ADCY8: variants seen among roughly 807,000 people sequenced by gnomAD.
ADCY8 encodes adenylate cyclase type 8.
A neutral mutation model predicts 119.7 loss-of-function variants in ADCY8; 51 were observed. The observed-to-expected ratio is 0.43, with a 90% CI of 0.34 to 0.54. The LOEUF is 0.54. ADCY8 is among the 20% of genes least tolerant of loss of function. ADCY8 has a pLI of 0.03. For synonymous variants in ADCY8, 665 were observed against 651.0 expected, an observed-to-expected ratio of 1.02 and a Z score of -0.33; for missense variants, 1,383 against 1,598.8, an observed-to-expected ratio of 0.87 and a Z score of 2.30.
intron 2 of ADCY8, among the ~76,000 whole-genome samples, chr8:130,971,788 T>C (rs1435897268): frequency 6.6e-6 from 1 of 152,150 alleles, no homozygotes; most frequent in African/African-American, 2.4e-5. Context: ...AGAAATTGTA[T>C]GAGTGAAGCA....
At chr8:130,946,812 T>C (rs768142977) in intron 3 of ADCY8, among the ~76,000 whole-genome samples, 67 of 152,306 alleles carry the variant, frequency 4.4e-4, no homozygotes, top group Admixed American at 1.4e-3. Context: ...GTTAGAAATG[T>C]AGACTCTCAA....
intron 2 of ADCY8, among the ~76,000 whole-genome samples, chr8:130,975,056 C>T (rs946441858): frequency 3.3e-5 from 5 of 152,206 alleles, no homozygotes; most frequent in Admixed American, 6.5e-5. Flanking sequence ...AGAGAAGCTT[C>T]GATCTATCAA....
At chr8:130,832,823 T>G (rs1816878675) in intron 12 of ADCY8, among the ~76,000 whole-genome samples, 1 of 152,228 alleles carries the variant, frequency 6.6e-6, no homozygotes, top group Non-Finnish European at 1.5e-5. Flanking sequence ...ATATATTGAG[T>G]ACCTGCTATG....
In ADCY8 at chr8:130,843,674, A is replaced by G. The variant is rs113835620; in HGVS notation, c.2502+3750T>C. Among the ~76,000 whole-genome samples, 653 of 152,262 alleles carry G rather than the reference A, an allele frequency of 4.3e-3. 6 individuals are homozygous for G. The highest frequency in any genetic ancestry group is 0.014 in the African/African-American group (598 of 41,556). ...TGGAAAGGTAAATCTTGTTCCTGTT[A>G]GTCTATTGGAAGAATGCTTCCTTTC... On this transcript the variant is annotated intron_variant, in intron 11 of 17. Transcript: ENST00000286355.
chr8:130,829,937 C>A (rs978206127), intron 12 of ADCY8, among the ~76,000 whole-genome samples: 1 of 152,166 alleles, frequency 6.6e-6, no homozygotes, highest in African/African-American at 2.4e-5. Context: ...CATGCATGAA[C>A]ATGCCTTTCT....
At chr8:130,949,877 G>A (rs1461665559) in intron 3 of ADCY8, among the ~76,000 whole-genome samples, 7 of 152,086 alleles carry the variant, frequency 4.6e-5, no homozygotes, top group East Asian at 1.9e-4. Context: ...GATCTGGGGC[G>A]CATCTCTTCC....
At chr8:131,005,277 A>G (rs1823078800) in intron 1 of ADCY8, among the ~76,000 whole-genome samples, 2 of 152,226 alleles carry the variant, frequency 1.3e-5, no homozygotes, top group Non-Finnish European at 2.9e-5. Flanking sequence ...CAAAATACTT[A>G]GTATTTGCCT....
At chr8:130,997,900 C>A (rs1822829135) in intron 1 of ADCY8, among the ~76,000 whole-genome samples, 1 of 152,052 alleles carries the variant, frequency 6.6e-6, no homozygotes, top group African/African-American at 2.4e-5. Context: ...CACCTCTGAC[C>A]CAGAGTTGAT....
rs542502171 is a variant in ADCY8 at position 130,814,235 on chromosome 8, A to G, written c.2755-8T>C. 6 of 1,613,622 alleles carry G rather than the reference A, an allele frequency of 3.7e-6. No homozygotes were observed. In the South Asian group the frequency reaches 6.6e-5, roughly 18 times the overall value. On this transcript the variant is annotated splice_region_variant and splice_polypyrimidine_tract_variant and intron_variant, in intron 13 of 17. Coordinates refer to ENST00000286355, the MANE Select transcript of ADCY8 (RefSeq NM_001115.3). ...GCGGGCTGTGTACTCCAGCTGCAGT[A>G]CATGTGAGAGAAAGAGGAGAATGAG...
At position 131,039,774 on chromosome 8, in the gene ADCY8, A is replaced by T; in HGVS notation, c.560T>A (p.Val187Glu). The change falls in exon 1 of 18, where the codon GTG becomes GAG. Residue 187 changes from valine (V) to glutamate (E), a missense_variant. By Grantham distance (121) the Val-to-Glu change is moderately radical (BLOSUM62 -2). This residue lies in a region of ADCY8 where 455 missense variants were observed against 435.3 expected (regional missense o/e 1.05). Transcript: ENST00000286355. ...QRRKSEVVMNVLDVLTKLTLL... is the reference protein window; with the variant it reads ...QRRKSEVVMNELDVLTKLTLL... ...AGTGAGTTTGGTCAGCACGTCCAGCACGTTCATCACCACTTCCGATTTGCG... is the reference window on the plus strand; with the variant it reads ...AGTGAGTTTGGTCAGCACGTCCAGCTCGTTCATCACCACTTCCGATTTGCG... The T allele has an allele frequency of 6.2e-7, 1 of 1,614,178 alleles. No individual in the cohort carries two copies. Among genetic ancestry groups the T allele is most frequent in the South Asian group, 1.1e-5 (1 of 91,086 alleles).
chr8:131,011,915 T>G (rs1159896358), intron 1 of ADCY8, among the ~76,000 whole-genome samples: 1 of 152,074 alleles, frequency 6.6e-6, no homozygotes, highest in Non-Finnish European at 1.5e-5. Flanking sequence ...CAGGACATAG[T>G]GGACACACTA....
chr8:130,965,829 T>C (rs1373826924), intron 2 of ADCY8, among the ~76,000 whole-genome samples: 1 of 152,230 alleles, frequency 6.6e-6, no homozygotes, highest in Non-Finnish European at 1.5e-5. Context: ...TTCTTCATTT[T>C]AGTTTGCTTT....
intron 2 of ADCY8, among the ~76,000 whole-genome samples, chr8:130,981,793 C>T (rs1190676885): frequency 6.6e-6 from 1 of 152,202 alleles, no homozygotes; most frequent in Non-Finnish European, 1.5e-5. Flanking sequence ...ATACCTTCTA[C>T]TTTGAAACTT....
chr8:130,964,591 T>G (rs917627292), intron 2 of ADCY8, among the ~76,000 whole-genome samples: 1 of 152,180 alleles, frequency 6.6e-6, no homozygotes, highest in Non-Finnish European at 1.5e-5. Context: ...GCTGTAAACA[T>G]CTGTGAAAAA....
At chr8:130,867,070 C>T (rs1169691566) in intron 9 of ADCY8, among the ~76,000 whole-genome samples, 2 of 152,026 alleles carry the variant, frequency 1.3e-5, no homozygotes, top group Non-Finnish European at 2.9e-5. Flanking sequence ...GGGGAAAACT[C>T]ATAGTAAGTA....
rs1042109848 is a variant in ADCY8, at chr8:130,998,024, C to A, written c.961-7482G>T. Among the ~76,000 whole-genome samples the A allele has an allele frequency of 2.6e-5, 4 of 152,060 alleles. No individual in the cohort carries two copies. The East Asian group carries it at 7.7e-4, about 29-fold the overall frequency. ...AACCCCTCACTTCTATTAATTAATCCATTTGAAATTATTTATGGAACGAGT... is the reference window on the plus strand; with the variant it reads ...AACCCCTCACTTCTATTAATTAATCAATTTGAAATTATTTATGGAACGAGT... On this transcript the variant is annotated intron_variant, in intron 1 of 17. Coordinates refer to ENST00000286355, the MANE Select transcript of ADCY8 (RefSeq NM_001115.3).
At chr8:130,978,311 A>AT (rs1822135549) in intron 2 of ADCY8, among the ~76,000 whole-genome samples, 1 of 152,180 alleles carries the variant, frequency 6.6e-6, no homozygotes, top group South Asian at 2.1e-4. Flanking sequence ...CTAAATTGCA[A>AT]ATTCAGTTGG....
chr8:130,937,019 C>G (rs1820807089), intron 5 of ADCY8, 54 bp downstream of exon 5: 1 of 1,557,700 alleles, frequency 6.4e-7, no homozygotes, highest in African/African-American at 1.4e-5. Flanking sequence ...GGTGAAGTGG[C>G]CTGTGATCGT....
chr8:130,996,646 G>A (rs1372200295), intron 1 of ADCY8, among the ~76,000 whole-genome samples: 2 of 152,000 alleles, frequency 1.3e-5, no homozygotes, highest in Non-Finnish European at 2.9e-5. Flanking sequence ...GAAAAAAATG[G>A]ACTGATAGTC....
Sources: allele counts gnomAD v4.1 joint callset (sites outside exome capture counted in the v4.1 genomes callset), GRCh38; gene constraint gnomAD v4.1.1; regional missense constraint gnomAD v4.1.1; transcripts MANE v1.5; gene names NCBI Gene and HGNC (gene_info 2026-07-23, HGNC 2026-07-21).